The following TOX3 variants were observed in gnomAD, a reference collection of about 807,000 sequenced individuals.
TOX3 encodes the protein TOX high mobility group box family member 3.
TOX3 carries 22 observed loss-of-function variants against 64.3 expected under a neutral mutation model. That is an observed-to-expected ratio of 0.34 (90% confidence interval 0.24 to 0.49). The LOEUF (loss-of-function observed/expected upper bound fraction) is 0.49, where lower values mean the gene tolerates loss of function less well. Among genes scored for constraint, TOX3 ranks in the 20% least tolerant of loss-of-function variants. TOX3 has a pLI of 0.99. For synonymous variants in TOX3, 291 were observed against 273.6 expected (o/e 1.06, Z -0.63); for missense variants, 661 against 714.4 (o/e 0.93, Z 0.85).
intron 1 of TOX3, among the ~76,000 whole-genome samples, chr16:52,470,469 T>C (rs1405288935): frequency 2.6e-5 from 4 of 152,166 alleles, no homozygotes. Flanking sequence ...ACTTATTATC[T>C]AATAGCACCT....
At chr16:52,477,505 C>T (rs1431047275) in intron 1 of TOX3, among the ~76,000 whole-genome samples, 1 of 152,098 alleles carries the variant, frequency 6.6e-6, no homozygotes, top group Non-Finnish European at 1.5e-5. Context: ...AGTGTCTAGA[C>T]CGGGCAGAGG....
intron 1 of TOX3, chr16:52,519,544 TGC>T: frequency 1.3e-6 from 2 of 1,527,352 alleles, no homozygotes; most frequent in Non-Finnish European, 8.8e-7. Context: ...TTCTGTCCTC[TGC>T]TGGATGGGGT....
upstream of TOX3, among the ~76,000 whole-genome samples, chr16:52,547,185 A>G (rs1596877894): frequency 1.5e-5 from 1 of 66,036 alleles, no homozygotes; most frequent in East Asian, 3.5e-4. Flanking sequence ...CTCCTGCCTC[A>G]GCCGCCGGTC....
chr16:52,438,532 T>C lies in TOX3; in HGVS notation c.*693A>G, dbSNP rs1567305658. ...ACATTTCTTCTAATTGGAATGAATATAATGGGCTAACAGTGGTCATAGATA... is the reference window on the plus strand; with the variant it reads ...ACATTTCTTCTAATTGGAATGAATACAATGGGCTAACAGTGGTCATAGATA... On this transcript the variant is annotated 3_prime_UTR_variant, in exon 7 of 7. Transcript: ENST00000219746. 1 of 153,178 alleles carries C rather than the reference T, an allele frequency of 6.5e-6. No individual in the cohort carries two copies. The highest frequency in any genetic ancestry group is 1.5e-5 in the Non-Finnish European group (1 of 68,476). 9.5% of individuals were successfully genotyped at this position (153,178 alleles called of 1,614,324 possible). A position where few individuals can be genotyped will look rare whatever the true frequency, so the allele number is the denominator to read the frequency against.
chr16:52,468,457 T>C, intron 2 of TOX3, 52 bp downstream of exon 2: 1 of 1,517,982 alleles, frequency 6.6e-7, no homozygotes. Context: ...GCCTATTAAA[T>C]TATCTCAATA....
chr16:52,505,415 A>C (rs751858690), intron 1 of TOX3, among the ~76,000 whole-genome samples: 4 of 152,214 alleles, frequency 2.6e-5, no homozygotes, highest in African/African-American at 9.7e-5. Flanking sequence ...TTCTTTAGCT[A>C]TAATAAACTC....
rs1319036420 is a variant in TOX3, at chr16:52,438,070, T to A, written c.*1155A>T. 1 of 152,662 alleles carries A rather than the reference T, an allele frequency of 6.6e-6. No homozygotes were observed. Among genetic ancestry groups the A allele is most frequent in the East Asian group, 1.9e-4 (1 of 5,200 alleles). The allele number at this position is 152,662 out of a possible 1,614,324, so 9.5% of individuals were successfully genotyped here. ...TCTTTGTTGTTGCATCAAAATACAG[T>A]CCACAGTTTTTACTGAAATGTGTTT... On this transcript the variant is annotated 3_prime_UTR_variant, in exon 7 of 7. Transcript: ENST00000219746.
chr16:52,466,055 C>A (rs779580979), intron 2 of TOX3, among the ~76,000 whole-genome samples: 1 of 152,076 alleles, frequency 6.6e-6, no homozygotes, highest in African/African-American at 2.4e-5. Context: ...TTGCATTTGC[C>A]GTTATTTTGG....
chr16:52,498,980 A>C (rs1961929262), intron 1 of TOX3, among the ~76,000 whole-genome samples: 1 of 152,240 alleles, frequency 6.6e-6, no homozygotes, highest in Non-Finnish European at 1.5e-5. Flanking sequence ...ACCCTAACAC[A>C]ATGAGCGAGT....
At chr16:52,502,884 A>G (rs1484324280) in intron 1 of TOX3, among the ~76,000 whole-genome samples, 2 of 152,192 alleles carry the variant, frequency 1.3e-5, no homozygotes, top group African/African-American at 2.4e-5. Context: ...CTTTTTTCTT[A>G]AAGTACCAGA....
intron 1 of TOX3, among the ~76,000 whole-genome samples, chr16:52,504,744 G>A (rs1353671285): frequency 1.3e-5 from 2 of 152,148 alleles, no homozygotes; most frequent in African/African-American, 4.8e-5. Context: ...CAAGGGACTC[G>A]ATCTCAGGAA....
chr16:52,496,866 G>GA (rs929474821), intron 1 of TOX3, among the ~76,000 whole-genome samples: 85 of 143,966 alleles, frequency 5.9e-4, no homozygotes, highest in African/African-American at 1.6e-3. Flanking sequence ...CTAACCTGGG[G>GA]AAAAAAAAAC....
At chr16:52,473,102 T>C (rs1457617125) in intron 1 of TOX3, among the ~76,000 whole-genome samples, 1 of 152,200 alleles carries the variant, frequency 6.6e-6, no homozygotes, top group Non-Finnish European at 1.5e-5. Flanking sequence ...GTCTGTGGCC[T>C]ATTTGACCAT....
At chr16:52,448,987 C>T (rs1960253694) in intron 4 of TOX3, among the ~76,000 whole-genome samples, 1 of 152,234 alleles carries the variant, frequency 6.6e-6, no homozygotes, top group South Asian at 2.1e-4. Context: ...CAATTTGTCT[C>T]TTCTTCAAAT....
At chr16:52,500,369 T>C (rs185480161) in intron 1 of TOX3, among the ~76,000 whole-genome samples, 17 of 152,314 alleles carry the variant, frequency 1.1e-4, no homozygotes, top group Non-Finnish European at 2.5e-4. Flanking sequence ...AATCAAAAAA[T>C]ACCTTGTTAA....
intron 1 of TOX3, among the ~76,000 whole-genome samples, chr16:52,489,849 C>T (rs1357873704): frequency 6.6e-6 from 1 of 151,938 alleles, no homozygotes; most frequent in Non-Finnish European, 1.5e-5. Context: ...TCTTATCCTC[C>T]ACATGTGGTC....
chr16:52,462,638 A>T (rs1197362283), intron 3 of TOX3, among the ~76,000 whole-genome samples: 1 of 152,144 alleles, frequency 6.6e-6, no homozygotes, highest in African/African-American at 2.4e-5. Context: ...TGGTGACTAA[A>T]CACACCCATT....
chr16:52,500,291 G>A (rs1961967930), intron 1 of TOX3, among the ~76,000 whole-genome samples: 1 of 152,196 alleles, frequency 6.6e-6, no homozygotes, highest in Non-Finnish European at 1.5e-5. Context: ...CAAAGAGTAT[G>A]TAAATAAAAC....
At chr16:52,543,186 C>A (rs1369369285) in intron 1 of TOX3, among the ~76,000 whole-genome samples, 1 of 152,136 alleles carries the variant, frequency 6.6e-6, no homozygotes, top group Non-Finnish European at 1.5e-5. Context: ...TTTGGGATGG[C>A]AGAATTCTGA....
Sources: gnomAD v4.1 joint callset for allele counts (sites outside exome capture counted in the v4.1 genomes callset) on GRCh38, gnomAD v4.1.1 for gene constraint, MANE v1.5 for transcripts, NCBI Gene and HGNC (gene_info 2026-07-23, HGNC 2026-07-21) for gene names.